PCDH15: variants seen among roughly 807,000 people sequenced by gnomAD.
PCDH15 encodes the protein protocadherin-15.
In PCDH15, 129 loss-of-function variants were observed where a neutral mutation model predicts 178.5. The observed-to-expected ratio is 0.72, with a 90% CI of 0.63 to 0.84. The LOEUF (loss-of-function observed/expected upper bound fraction) is 0.84. Among genes scored for constraint, PCDH15 ranks in the 40% least tolerant of loss-of-function variants. The pLI, the probability that PCDH15 is intolerant of heterozygous loss-of-function variation, is 0.00. For synonymous variants in PCDH15, 800 were observed against 732.0 expected (o/e 1.09, Z -1.50); for missense variants, 2,230 against 2,099.9 (o/e 1.06, Z -1.21).
intron 2 of PCDH15, among the ~76,000 whole-genome samples, chr10:55,470,367 C>G (rs577661924): frequency 6.6e-6 from 1 of 151,638 alleles, no homozygotes; most frequent in Non-Finnish European, 1.5e-5. Context: ...AAAAAAAGGT[C>G]AAGTATTTGT....
At chr10:55,033,722 C>T (rs1005404026) in intron 2 of PCDH15, among the ~76,000 whole-genome samples, 1 of 151,956 alleles carries the variant, frequency 6.6e-6, no homozygotes, top group African/African-American at 2.4e-5. Context: ...GTTTTTGGAG[C>T]TATTAAGATG....
intron 1 of PCDH15, among the ~76,000 whole-genome samples, chr10:54,759,963 C>T (rs1488655156): frequency 6.6e-6 from 1 of 152,140 alleles, no homozygotes; most frequent in Non-Finnish European, 1.5e-5. Flanking sequence ...ATTTCATGAC[C>T]TTATCCCATG....
At position 53,919,875 on chromosome 10, in the gene PCDH15, C is replaced by G. The variant is rs76409798; in HGVS notation, c.3374-16505G>C. ...TTCACTGGGAAATTTCTAAAACTTTCTAAGTTTTTATAAATACCCAGGAAG... is the reference window on the plus strand; with the variant it reads ...TTCACTGGGAAATTTCTAAAACTTTGTAAGTTTTTATAAATACCCAGGAAG... On this transcript the variant is annotated intron_variant, in intron 25 of 37. Transcript: ENST00000644397. Among the ~76,000 whole-genome samples, 558 of 152,192 alleles carry G rather than the reference C, an allele frequency of 3.7e-3. 1 individual carries two copies. The highest frequency in any genetic ancestry group is 0.013 in the African/African-American group (544 of 41,524).
chr10:55,503,570 T>G (rs1840700735), intron 2 of PCDH15, among the ~76,000 whole-genome samples: 1 of 151,220 alleles, frequency 6.6e-6, no homozygotes, highest in Non-Finnish European at 1.5e-5. Flanking sequence ...TGAAGATAAT[T>G]TTAAACTATT....
intron 2 of PCDH15, among the ~76,000 whole-genome samples, chr10:55,061,715 G>T (rs1273015769): frequency 2.6e-5 from 4 of 152,094 alleles, no homozygotes; most frequent in African/African-American, 9.7e-5. Context: ...TATTACTCAG[G>T]GCACTAAAAT....
intron 3 of PCDH15, among the ~76,000 whole-genome samples, chr10:54,482,133 T>TA (rs917038933): frequency 1.3e-5 from 2 of 151,938 alleles, no homozygotes; most frequent in Admixed American, 1.3e-4. Context: ...ATTTTTGAGT[T>TA]AAAAAAAGAT....
chr10:54,895,978 C>T (rs1591768843), intron 3 of PCDH15, among the ~76,000 whole-genome samples: 1 of 152,004 alleles, frequency 6.6e-6, no homozygotes, highest in African/African-American at 2.4e-5. Context: ...CCTCCGCCTC[C>T]CGGGTTCAAG....
chr10:55,528,840 C>G (rs909629537), intron 2 of PCDH15, among the ~76,000 whole-genome samples: 10 of 152,118 alleles, frequency 6.6e-5, no homozygotes, highest in African/African-American at 2.2e-4. Context: ...TACAGTCCCA[C>G]CAACAGTGTA....
intron 2 of PCDH15, among the ~76,000 whole-genome samples, chr10:54,554,413 C>T (rs746628192): frequency 2.6e-5 from 4 of 151,862 alleles, no homozygotes; most frequent in African/African-American, 4.8e-5. Context: ...CCCAGATCTA[C>T]GTAAGTGATT....
chr10:54,325,423 A>C (rs11004235), intron 7 of PCDH15, among the ~76,000 whole-genome samples: 2 of 152,076 alleles, frequency 1.3e-5, no homozygotes, highest in Non-Finnish European at 2.9e-5. Context: ...CTTAATGTAC[A>C]TGACTTACAT....
intron 26 of PCDH15, among the ~76,000 whole-genome samples, chr10:53,872,323 G>A (rs1363255460): frequency 1.3e-5 from 2 of 152,048 alleles, no homozygotes; most frequent in Non-Finnish European, 2.9e-5. Context: ...GAGATATTCC[G>A]CTTAAAGAAA....
Position 54,877,934 on chromosome 10 carries a change from CTCTCTTTTTTTTTTTTTTTTT to C in PCDH15, c.-29+19495_-29+19515del, listed in dbSNP as rs1260394877. Among the ~76,000 whole-genome samples the C allele has an allele frequency of 7.6e-3, 220 of 28,772 alleles. 16 individuals carry two copies. Among genetic ancestry groups the C allele is most frequent in the African/African-American group, 0.031 (140 of 4,522 alleles). The allele number at this position is 28,772 out of a possible 152,430, so 18.9% of individuals were successfully genotyped here. ...ATTCTCTTATTCTCTTTCTCTCTCT[CTCTCTTTTTTTTTTTTTTTTT>C]TTTTTTTTTTTTTTTTTTTTTTGTT... On this transcript the variant is annotated intron_variant, in intron 3 of 5. Transcript: ENST00000458638.
At chr10:54,716,539 A>C (rs948968596) in intron 1 of PCDH15, among the ~76,000 whole-genome samples, 1 of 151,956 alleles carries the variant, frequency 6.6e-6, no homozygotes. Flanking sequence ...ATGGGAGTTC[A>C]CTCATGATTT....
In PCDH15 at chr10:54,347,832, G is replaced by C. The variant is rs550616919; in HGVS notation, c.475-1348C>G. Reference sequence around the variant, plus strand: ...TATAAAATATCTTGATGCTAAGATTGACAACAGATTTTTATTATTTATTTA... The same window carrying C: ...TATAAAATATCTTGATGCTAAGATTCACAACAGATTTTTATTATTTATTTA... On this transcript the variant is annotated intron_variant, in intron 5 of 37. Transcript: ENST00000644397. Among the ~76,000 whole-genome samples the C allele has an allele frequency of 4.8e-4, 71 of 149,258 alleles. 1 individual carries two copies. The highest frequency in any genetic ancestry group is 5.6e-4 in the Non-Finnish European group (38 of 67,942).
chr10:55,405,045 C>T (rs1838163212), intron 2 of PCDH15, among the ~76,000 whole-genome samples: 1 of 151,272 alleles, frequency 6.6e-6, no homozygotes, highest in African/African-American at 2.4e-5. Flanking sequence ...GAACTTAGCA[C>T]ACATGAATAA....
At chr10:54,324,399 G>A (rs1439540578) in intron 7 of PCDH15, among the ~76,000 whole-genome samples, 2 of 152,040 alleles carry the variant, frequency 1.3e-5, no homozygotes, top group Non-Finnish European at 2.9e-5. Flanking sequence ...TTTGCTATTT[G>A]AGAAATATAC....
intron 2 of PCDH15, among the ~76,000 whole-genome samples, chr10:55,030,783 C>A (rs972725910): frequency 2.0e-5 from 3 of 151,778 alleles, no homozygotes; most frequent in Admixed American, 1.3e-4. Context: ...ATAATGGGAG[C>A]AAATCAAATG....
chr10:54,971,910 T>C (rs1454599133), intron 2 of PCDH15, among the ~76,000 whole-genome samples: 1 of 152,210 alleles, frequency 6.6e-6, no homozygotes, highest in Non-Finnish European at 1.5e-5. Flanking sequence ...TAACACTTTC[T>C]ATATCTACAT....
intron 1 of PCDH15, among the ~76,000 whole-genome samples, chr10:55,269,202 T>A (rs1461486656): frequency 6.6e-6 from 1 of 151,984 alleles, no homozygotes; most frequent in African/African-American, 2.4e-5. Flanking sequence ...GCTGGAAACA[T>A]TACCTTTGAG....
Sources: gnomAD v4.1 joint callset for allele counts (sites outside exome capture counted in the v4.1 genomes callset) on GRCh38, gnomAD v4.1.1 for gene constraint, MANE v1.5 for transcripts, NCBI Gene and HGNC (gene_info 2026-07-23, HGNC 2026-07-21) for gene names.